GTSF1: variants seen among roughly 807,000 people sequenced by gnomAD.
GTSF1 encodes gametocyte specific factor 1.
Under a neutral mutation model 28.9 loss-of-function variants are expected in GTSF1, and 11 were observed. The ratio of observed to expected loss-of-function variants is 0.38; its 90% CI spans 0.24 to 0.63. GTSF1 has a LOEUF of 0.63. Among genes scored for constraint, GTSF1 ranks in the 30% least tolerant of loss-of-function variants. The probability of loss-of-function intolerance (pLI) is 0.56; values close to 1 mark genes in which losing one functional copy is unlikely to be tolerated. For synonymous variants in GTSF1, 69 were observed against 65.6 expected (o/e 1.05, Z -0.25); for missense variants, 146 against 201.0 (o/e 0.73, Z 1.66).
chr12:54,462,346 T>C (rs1178577142), intron 5 of GTSF1, among the ~76,000 whole-genome samples, 174 bp from the exon 6 acceptor site: 3 of 152,136 alleles, frequency 2.0e-5, no homozygotes, highest in African/African-American at 7.2e-5. Flanking sequence ...TTGAAGAATA[T>C]AAACACAAGC....
At chr12:54,470,962 G>A (rs1334451621) in intron 2 of GTSF1, among the ~76,000 whole-genome samples, 3 of 152,080 alleles carry the variant, frequency 2.0e-5, no homozygotes, top group African/African-American at 7.2e-5. Context: ...TACTATCCCC[G>A]TGTCATACAT....
At chr12:54,463,331 T>G (rs754652676) in intron 3 of GTSF1, 34 bp from the exon 4 acceptor site, 1 of 1,611,362 alleles carries the variant, frequency 6.2e-7, no homozygotes, top group Admixed American at 1.7e-5. Context: ...CTGTCAGTTC[T>G]CTGGATCTAC....
At chr12:54,469,508 C>T (rs1267602769) in intron 2 of GTSF1, among the ~76,000 whole-genome samples, 9 of 150,802 alleles carry the variant, frequency 6.0e-5, no homozygotes, top group East Asian at 2.1e-4. Flanking sequence ...GCCAACATGG[C>T]GAAACCCCAT....
In GTSF1 at chr12:54,463,223, A is replaced by G; in HGVS notation, c.192T>C (p.Ile64=). ...NARHQVPRAE[I]SHHISSCDDR... is the part of the protein sequence containing the mutation. ...CATCACAGCTTGAGATATGATGACT[A>G]ATTTCAGCTCGAGGAACCTGGTGGC... Residue 64 remains isoleucine, a synonymous_variant, in exon 4 of 9, where the codon ATT becomes ATC. Coordinates refer to ENST00000305879, the MANE Select transcript of GTSF1 (RefSeq NM_144594.3). The G allele has an allele frequency of 6.2e-7, 1 of 1,613,960 alleles. No homozygotes were observed. Among genetic ancestry groups the G allele is most frequent in the South Asian group, 1.1e-5 (1 of 91,074 alleles).
intron 1 of GTSF1, among the ~76,000 whole-genome samples, chr12:54,472,961 G>T (rs1371652035): frequency 2.6e-5 from 4 of 152,180 alleles, no homozygotes; most frequent in African/African-American, 9.7e-5. Context: ...GATTTTAAGT[G>T]ATGAGCACCA....
Position 54,463,273 on chromosome 12 carries a change from A to G in GTSF1, c.142T>C (p.Leu48=), listed in dbSNP as rs146632979. The G allele has an allele frequency of 5.0e-6, 8 of 1,613,794 alleles. No individual in the cohort carries two copies. The highest frequency in any genetic ancestry group is 6.8e-6 in the Non-Finnish European group (8 of 1,179,836). The change falls in exon 4 of 9, where the codon TTG becomes CTG. Residue 48 remains leucine, a synonymous_variant. Transcript: ENST00000305879. The stretch of plus-strand genomic sequence containing the variant: ...CGAGCATTGAAGGGACAAGTAGCCA[A>G]TTTGCTTGCAACATCAGGATGATTC... ...RKNHPDVASK[L]ATCPFNARHQ...
chr12:54,462,124 T>C lies in GTSF1; in HGVS notation c.377A>G (p.Tyr126Cys). The C allele has an allele frequency of 1.2e-6, 2 of 1,612,768 alleles. No homozygotes were observed. The highest frequency in any genetic ancestry group is 1.7e-6 in the Non-Finnish European group (2 of 1,178,980). ...STPFVWGTTH[Y>C]SDNNSPASNI... ...TTTCATTTACCTGTTGTTGTCAGAG[T>C]AGTGAGTTGTGCCCCAGACAAATGG... The change falls in exon 6 of 9, where the codon TAC becomes TGC. Residue 126 changes from tyrosine (Y) to cysteine (C), a missense_variant. Transcript: ENST00000305879.
intron 1 of GTSF1, among the ~76,000 whole-genome samples, chr12:54,473,242 A>T (rs561271304): frequency 6.6e-5 from 10 of 152,284 alleles, no homozygotes; most frequent in Non-Finnish European, 8.8e-5. Context: ...GCCTTAGTAA[A>T]AGAATCATTT....
chr12:54,459,765 C>A (rs1186797686), intron 7 of GTSF1, among the ~76,000 whole-genome samples: 2 of 102,832 alleles, frequency 1.9e-5, no homozygotes, highest in South Asian at 3.2e-4. Context: ...CTCGCTCTGT[C>A]GCCCAGGCTG....
chr12:54,462,432 T>C (rs1235619659), intron 5 of GTSF1, among the ~76,000 whole-genome samples: 1 of 152,056 alleles, frequency 6.6e-6, no homozygotes, highest in Non-Finnish European at 1.5e-5. Context: ...AAAAAACAGA[T>C]GTAAAGAAGT....
intron 3 of GTSF1, chr12:54,464,852 T>TA: frequency 2.7e-6 from 1 of 375,556 alleles, no homozygotes; most frequent in Non-Finnish European, 5.0e-6. Flanking sequence ...TAAAGGGTTC[T>TA]TTGTCACTAG....
At chr12:54,459,430 G>T (rs1176699879) in intron 7 of GTSF1, 2 of 1,349,438 alleles carry the variant, frequency 1.5e-6, no homozygotes. Flanking sequence ...CAGTAGCACA[G>T]ACTGAAATCA....
chr12:54,456,743 T>G (rs544138302), intron 8 of GTSF1, among the ~76,000 whole-genome samples: 1 of 152,348 alleles, frequency 6.6e-6, no homozygotes, highest in Non-Finnish European at 1.5e-5. Flanking sequence ...TTATTTCTTT[T>G]GTATCCTTCC....
At chr12:54,468,974 G>GT (rs1956559100) in intron 2 of GTSF1, 1 of 152,206 alleles carries the variant, frequency 6.6e-6, no homozygotes, top group African/African-American at 2.4e-5. Context: ...TAACGAAGAA[G>GT]TAAGAGACAG....
At chr12:54,460,126 T>C (rs1365100444) in intron 7 of GTSF1, among the ~76,000 whole-genome samples, 4 of 152,224 alleles carry the variant, frequency 2.6e-5, no homozygotes, top group Non-Finnish European at 5.9e-5. Context: ...TTGACGTCAG[T>C]GGTCACCCCA....
chr12:54,470,347 C>A (rs977917445), intron 2 of GTSF1, among the ~76,000 whole-genome samples: 1 of 152,182 alleles, frequency 6.6e-6, no homozygotes, highest in Admixed American at 6.5e-5. Context: ...TCTGGTTCAA[C>A]AAGCTTTCCA....
At chr12:54,456,960 C>T (rs549358170) in intron 8 of GTSF1, among the ~76,000 whole-genome samples, 157 of 152,260 alleles carry the variant, frequency 1.0e-3, no homozygotes, top group African/African-American at 3.3e-3. Flanking sequence ...TGGCACACAC[C>T]TGTAATCCCA....
At chr12:54,459,722 C>CTTTT (rs760438714) in intron 7 of GTSF1, 30 of 133,480 alleles carry the variant, frequency 2.2e-4, no homozygotes, top group Non-Finnish European at 2.6e-4. Context: ...GATATTATGC[C>CTTTT]TTTTTTTTTT....
At chr12:54,460,104 T>G (rs2120735309) in intron 7 of GTSF1, among the ~76,000 whole-genome samples, 2 of 152,344 alleles carry the variant, frequency 1.3e-5, no homozygotes, top group South Asian at 4.1e-4. Flanking sequence ...CTCCCAAATT[T>G]TCTCATGGTA....
Sources: gnomAD v4.1 joint callset for allele counts (sites outside exome capture counted in the v4.1 genomes callset) on GRCh38, gnomAD v4.1.1 for gene constraint, MANE v1.5 for transcripts, NCBI Gene and HGNC (gene_info 2026-07-23, HGNC 2026-07-21) for gene names.